Variants in PTPN4 observed in about 807,000 individuals in gnomAD.
The protein encoded by PTPN4 is protein tyrosine phosphatase non-receptor type 4, also known as tyrosine-protein phosphatase non-receptor type 4.
A neutral mutation model predicts 135.5 loss-of-function variants in PTPN4; 49 were observed. The observed-to-expected ratio is 0.36, with a 90% confidence interval of 0.29 to 0.46. The LOEUF is 0.46. Among genes scored for constraint, PTPN4 ranks in the 20% least tolerant of loss-of-function variants. The pLI is 1.00. For synonymous variants in PTPN4, 333 were observed against 369.9 expected (o/e 0.90, Z 1.14); for missense variants, 860 against 1,101.0 (o/e 0.78, Z 3.10).
chr2:119,910,934 G>T (rs185032439), intron 10 of PTPN4, among the ~76,000 whole-genome samples: 2 of 152,230 alleles, frequency 1.3e-5, no homozygotes, highest in East Asian at 1.9e-4. Context: ...TCACAACGTA[G>T]ATTAAATGTG....
chr2:119,814,024 A>C (rs577480332), intron 2 of PTPN4, among the ~76,000 whole-genome samples: 2 of 152,200 alleles, frequency 1.3e-5, no homozygotes, highest in African/African-American at 4.8e-5. Flanking sequence ...AAAAATGTAT[A>C]TGTGTGTGTA....
chr2:119,917,822 T>A (rs1337543761), intron 11 of PTPN4, among the ~76,000 whole-genome samples: 2 of 152,208 alleles, frequency 1.3e-5, no homozygotes, highest in Non-Finnish European at 2.9e-5. Context: ...AAAACATCTT[T>A]GTTTTTAAAT....
At chr2:119,793,175 C>T (rs1239759226) in intron 1 of PTPN4, among the ~76,000 whole-genome samples, 2 of 152,220 alleles carry the variant, frequency 1.3e-5, no homozygotes, top group Non-Finnish European at 1.5e-5. Context: ...CCTACAACTG[C>T]ATAAGGCAGA....
chr2:119,883,292 A>C (rs1423595390), intron 8 of PTPN4, among the ~76,000 whole-genome samples: 1 of 152,084 alleles, frequency 6.6e-6, no homozygotes, highest in Non-Finnish European at 1.5e-5. Flanking sequence ...TCATGTTTAG[A>C]CTTGGTTTCT....
At chr2:119,967,787 G>GT in intron 25 of PTPN4, 50 bp from the exon 26 acceptor site, 1 of 1,433,444 alleles carries the variant, frequency 7.0e-7, no homozygotes, top group Non-Finnish European at 9.3e-7. Context: ...GCCACAAGTA[G>GT]TTTAACAGAA....
At chr2:119,917,045 C>T (rs1390175414) in intron 11 of PTPN4, among the ~76,000 whole-genome samples, 1 of 152,090 alleles carries the variant, frequency 6.6e-6, no homozygotes, top group Non-Finnish European at 1.5e-5. Context: ...AAATATTTTA[C>T]TTTAAGTAAT....
intron 3 of PTPN4, among the ~76,000 whole-genome samples, chr2:119,868,726 C>T (rs1340938586): frequency 6.6e-6 from 1 of 152,216 alleles, no homozygotes; most frequent in Non-Finnish European, 1.5e-5. Context: ...TCCTTTAATT[C>T]GGCCCATCCC....
At chr2:119,769,727 A>G (rs79625263) in intron 1 of PTPN4, among the ~76,000 whole-genome samples, 3,524 of 152,310 alleles carry the variant, frequency 0.023, 125 homozygotes, top group African/African-American at 0.077. Flanking sequence ...GTTGGGATTA[A>G]GAGAAGGAAA....
At chr2:119,793,381 C>A (rs1211800218) in intron 1 of PTPN4, among the ~76,000 whole-genome samples, 3 of 152,190 alleles carry the variant, frequency 2.0e-5, no homozygotes, top group African/African-American at 7.2e-5. Context: ...CCCTTGTCCC[C>A]TGAACATCGC....
chr2:119,840,068 T>C (rs1677357633), intron 2 of PTPN4, among the ~76,000 whole-genome samples: 1 of 152,244 alleles, frequency 6.6e-6, no homozygotes, highest in South Asian at 2.1e-4. Context: ...TCTTGCATTT[T>C]TCTTCAGCAG....
rs765411509 is a variant in PTPN4, at chr2:119,908,675, G to A, written c.765-6504G>A. ...CCTTCAGTGGTCTATAAGTGATCAA[G>A]TGCAAGGAAGAGTTGCACTTCTGTC... is the stretch of plus-strand genomic sequence containing the variant. On this transcript the variant is annotated intron_variant, in intron 10 of 26. Coordinates refer to ENST00000263708, the MANE Select transcript of PTPN4 (RefSeq NM_002830.4). Among the ~76,000 whole-genome samples, 5 of 152,100 alleles carry A rather than the reference G, an allele frequency of 3.3e-5. No homozygotes were observed. The South Asian group carries it at 1.0e-3, about 31-fold the overall frequency.
intron 2 of PTPN4, among the ~76,000 whole-genome samples, chr2:119,847,326 ATATT>A (rs1186166003): frequency 9.0e-6 from 1 of 111,528 alleles, no homozygotes; most frequent in African/African-American, 4.3e-5. Flanking sequence ...ATATATATAT[ATATT>A]TTTTTTTTTT....
intron 1 of PTPN4, among the ~76,000 whole-genome samples, chr2:119,782,154 C>A (rs945763380): frequency 1.3e-5 from 2 of 152,102 alleles, no homozygotes; most frequent in Admixed American, 6.5e-5. Context: ...CGGTGGCTCA[C>A]GCCTGTAATC....
Position 119,957,029 on chromosome 2 carries a change from G to A in PTPN4, c.2085G>A (p.Arg695=). 6.2e-7 allele frequency: 1 copy of A among 1,610,464 alleles called. No homozygotes were observed. The highest frequency in any genetic ancestry group is 8.5e-7 in the Non-Finnish European group (1 of 1,178,608). The part of the protein sequence containing the change: ...YRDISPYDAT[R]VILKGNEDYI... The stretch of plus-strand genomic sequence containing the variant: ...AAATTTTTTTAGATGATGCCACACG[G>A]GTCATTTTAAAAGGTAATGAAGACT... The change falls in exon 22 of 27, where the codon CGG becomes CGA. Residue 695 remains arginine (R), a synonymous_variant. Transcript: ENST00000263708.
intron 3 of PTPN4, among the ~76,000 whole-genome samples, chr2:119,864,502 G>C (rs750127213): frequency 1.3e-5 from 2 of 152,014 alleles, no homozygotes; most frequent in Non-Finnish European, 2.9e-5. Flanking sequence ...ACCCTCATAA[G>C]TCAGGCCCTG....
At chr2:119,963,187 A>G (rs1268148703) in intron 24 of PTPN4, among the ~76,000 whole-genome samples, 2 of 152,198 alleles carry the variant, frequency 1.3e-5, no homozygotes, top group African/African-American at 4.8e-5. Flanking sequence ...TCCCCTACCT[A>G]TTAAGAAGGA....
chr2:119,890,221 T>C lies in PTPN4; in HGVS notation c.675+4339T>C, dbSNP rs577580045. On this transcript the variant is annotated intron_variant, in intron 9 of 26. Transcript: ENST00000263708. ...GGTGCATATATATTTAGAATAGTTA[T>C]GTCCTCTTACTGGGTTGATCTCTTT... Among the ~76,000 whole-genome samples, 550 of 152,218 alleles carry C rather than the reference T, an allele frequency of 3.6e-3. 3 individuals carry two copies. The highest frequency in any genetic ancestry group is 0.013 in the African/African-American group (529 of 41,550).
At chr2:119,851,575 A>G (rs2104980073) in intron 2 of PTPN4, among the ~76,000 whole-genome samples, 1 of 152,288 alleles carries the variant, frequency 6.6e-6, no homozygotes, top group Non-Finnish European at 1.5e-5. Context: ...CAGTGGATTT[A>G]GGAAGTTTTA....
intron 12 of PTPN4, among the ~76,000 whole-genome samples, chr2:119,925,176 C>A (rs1678803328): frequency 1.3e-5 from 2 of 152,142 alleles, no homozygotes; most frequent in African/African-American, 4.8e-5. Flanking sequence ...TCACTATACC[C>A]TATCCCCATG....
Sources: gnomAD v4.1 joint callset for allele counts (sites outside exome capture counted in the v4.1 genomes callset) on GRCh38, gnomAD v4.1.1 for gene constraint, MANE v1.5 for transcripts, NCBI Gene and HGNC (gene_info 2026-07-23, HGNC 2026-07-21) for gene names.